SLC4A7: variants seen among roughly 807,000 people sequenced by gnomAD.
SLC4A7 encodes the protein sodium bicarbonate cotransporter 3.
SLC4A7 carries 51 observed loss-of-function variants against 137.6 expected under a neutral mutation model. That is an observed-to-expected ratio of 0.37 (90% CI 0.30 to 0.47). The LOEUF (loss-of-function observed/expected upper bound fraction) is 0.47. Ranked by LOEUF, SLC4A7 falls within the 20% of genes least tolerant of loss-of-function variation. The pLI is 1.00. For missense variants in SLC4A7, 1,247 were observed against 1,525.4 expected, an observed-to-expected ratio of 0.82 and a Z score of 3.04; for synonymous variants, 542 against 518.6, an observed-to-expected ratio of 1.05 and a Z score of -0.61.
At chr3:27,481,949 A>G (rs1219751190) in intron 1 of SLC4A7, among the ~76,000 whole-genome samples, 1 of 152,102 alleles carries the variant, frequency 6.6e-6, no homozygotes, top group Non-Finnish European at 1.5e-5. Flanking sequence ...CAGCCTAACC[A>G]ACAGTGAAAT....
chr3:27,454,449 A>G (rs148308464), intron 1 of SLC4A7, among the ~76,000 whole-genome samples: 21 of 152,314 alleles, frequency 1.4e-4, no homozygotes, highest in African/African-American at 4.8e-4. Context: ...CTGGGAGACA[A>G]AGCGAGACTC....
intron 7 of SLC4A7, among the ~76,000 whole-genome samples, 200 bp downstream of exon 7, chr3:27,431,098 A>C (rs986069072): frequency 1.3e-5 from 2 of 152,226 alleles, no homozygotes; most frequent in Admixed American, 1.3e-4. Flanking sequence ...AAAGTAAAGC[A>C]AACTTTCAAC....
At chr3:27,480,419 G>A (rs2059658470) in intron 1 of SLC4A7, among the ~76,000 whole-genome samples, 1 of 152,056 alleles carries the variant, frequency 6.6e-6, no homozygotes, top group African/African-American at 2.4e-5. Context: ...TGTAGAGACA[G>A]GGTCCCATTA....
chr3:27,446,249 T>C (rs534492736), intron 3 of SLC4A7, among the ~76,000 whole-genome samples: 36 of 151,972 alleles, frequency 2.4e-4, no homozygotes, highest in African/African-American at 8.0e-4. Flanking sequence ...GGAATAATTA[T>C]TAAAATAAAA....
rs1399828257 is a variant in SLC4A7 at position 27,400,855 on chromosome 3, T to C, written c.2336A>G (p.Glu779Gly). 6.3e-7 allele frequency: 1 copy of C among 1,583,298 alleles called. No individual in the cohort carries two copies. The highest frequency in any genetic ancestry group is 1.1e-5 in the South Asian group (1 of 90,444). ...KLTSYSCVCT[E>G]PPNPSNETLA... ...AGTTTCATTGCTGGGGTTTGGAGGTTCAGTACATACACATCTGAGAAATTA... is the reference window on the plus strand; with the variant it reads ...AGTTTCATTGCTGGGGTTTGGAGGTCCAGTACATACACATCTGAGAAATTA... The change falls in exon 16 of 26, where the codon GAA (glutamate) becomes GGA (glycine). Residue 779 changes from glutamate (E) to glycine (G), a missense_variant. Coordinates refer to ENST00000454389, the MANE Select transcript of SLC4A7 (RefSeq NM_001321103.2).
At chr3:27,453,326 T>A (rs1006422046) in intron 1 of SLC4A7, among the ~76,000 whole-genome samples, 1 of 152,122 alleles carries the variant, frequency 6.6e-6, no homozygotes, top group Non-Finnish European at 1.5e-5. Flanking sequence ...CCTCAAAAAG[T>A]CTTTGAAGCC....
intron 1 of SLC4A7, among the ~76,000 whole-genome samples, chr3:27,468,454 C>T (rs537700824): frequency 1.3e-5 from 2 of 152,256 alleles, no homozygotes; most frequent in East Asian, 3.9e-4. Flanking sequence ...ACACACCGGT[C>T]ACACTCAGTC....
intron 22 of SLC4A7, 41 bp from the exon 23 acceptor site, chr3:27,386,064 A>ATTT: frequency 1.3e-6 from 2 of 1,492,910 alleles, no homozygotes; most frequent in Non-Finnish European, 1.8e-6. Context: ...AACACATAAT[A>ATTT]CAAACTGTAT....
At chr3:27,446,126 G>GTA (rs1350066149) in intron 3 of SLC4A7, among the ~76,000 whole-genome samples, 38 of 109,148 alleles carry the variant, frequency 3.5e-4, no homozygotes, top group South Asian at 6.7e-4. Flanking sequence ...ATGTGTGTGT[G>GTA]TATATATATA....
intron 20 of SLC4A7, among the ~76,000 whole-genome samples, chr3:27,393,069 T>G (rs1292628154): frequency 6.6e-6 from 1 of 151,996 alleles, no homozygotes; most frequent in Non-Finnish European, 1.5e-5. Flanking sequence ...TGAAGAAATT[T>G]GTAACAGAGA....
chr3:27,436,307 A>C (rs2056736272), intron 5 of SLC4A7, 81 bp downstream of exon 5: 2 of 1,054,028 alleles, frequency 1.9e-6, no homozygotes, highest in African/African-American at 3.2e-5. Flanking sequence ...CACAGAATAG[A>C]AGCTCAGCAT....
intron 22 of SLC4A7, 70 bp downstream of exon 22, chr3:27,389,861 T>C (rs895089174): frequency 1.7e-6 from 2 of 1,145,988 alleles, no homozygotes; most frequent in African/African-American, 3.2e-5. Flanking sequence ...AAATCAATTA[T>C]AAATATTAAT....
chr3:27,465,474 TAAAAA>T (rs10564000), intron 1 of SLC4A7, among the ~76,000 whole-genome samples: 2 of 125,458 alleles, frequency 1.6e-5, no homozygotes, highest in Non-Finnish European at 3.3e-5. Context: ...GTAGGCACAG[TAAAAA>T]AAAAAAAAAA....
intron 1 of SLC4A7, among the ~76,000 whole-genome samples, chr3:27,460,038 A>AT (rs1227568451): frequency 9.8e-4 from 137 of 139,786 alleles, no homozygotes; most frequent in Middle Eastern, 3.8e-3. Context: ...TATATATATA[A>AT]TTTTTTTTTT....
intron 10 of SLC4A7, 42 bp downstream of exon 10, chr3:27,420,657 TA>T (rs745372069): frequency 1.6e-6 from 2 of 1,214,454 alleles, no homozygotes; most frequent in Non-Finnish European, 2.4e-6. Context: ...ATATGCTGCA[TA>T]ATTAGTGTCT....
intron 22 of SLC4A7, 128 bp from the exon 23 acceptor site, chr3:27,386,151 T>C: frequency 1.6e-6 from 1 of 618,634 alleles, no homozygotes; most frequent in Non-Finnish European, 2.7e-6. Flanking sequence ...TCACACATCA[T>C]TTTGTTTCAA....
intron 13 of SLC4A7, 88 bp from the exon 14 acceptor site, chr3:27,405,051 T>C (rs2053200458): frequency 1.2e-6 from 1 of 818,478 alleles, no homozygotes. Flanking sequence ...ATCTGGAAAA[T>C]AAAAATACCC....
chr3:27,373,196 T>C lies in SLC4A7; in HGVS notation c.*3568A>G, dbSNP rs2049677964. 1 of 152,054 alleles carries C rather than the reference T, an allele frequency of 6.6e-6. No individual in the cohort carries two copies. The highest frequency in any genetic ancestry group is 1.5e-5 in the Non-Finnish European group (1 of 67,960). 9.4% of individuals were successfully genotyped at this position (152,054 alleles called of 1,614,324 possible). ...TTTAACAATTAAGTCAAATGTTCAA[T>C]ATGTGCTAATTAAATTTCATTTTAA... is the stretch of plus-strand genomic sequence containing the variant. On this transcript the variant is annotated 3_prime_UTR_variant, in exon 26 of 26. Transcript: ENST00000454389.
intron 1 of SLC4A7, among the ~76,000 whole-genome samples, chr3:27,472,548 G>A (rs1299470804): frequency 1.3e-5 from 2 of 152,094 alleles, no homozygotes; most frequent in Admixed American, 6.5e-5. Flanking sequence ...GTGATATAAA[G>A]TGTATAATTT....
Sources: allele counts gnomAD v4.1 joint callset (sites outside exome capture counted in the v4.1 genomes callset), GRCh38; gene constraint gnomAD v4.1.1; transcripts MANE v1.5; gene names NCBI Gene and HGNC (gene_info 2026-07-23, HGNC 2026-07-21).